Variants in SYNRG observed in about 807,000 individuals in gnomAD.
SYNRG encodes the protein AP1 gamma subunit binding protein 1.
SYNRG carries 37 observed loss-of-function variants against 130.9 expected under a neutral mutation model. That is an observed-to-expected ratio of 0.28 (90% CI 0.22 to 0.37). SYNRG has a LOEUF of 0.37. Among genes scored for constraint, SYNRG ranks in the 10% least tolerant of loss-of-function variants. The pLI, the probability that SYNRG is intolerant of heterozygous loss-of-function variation, is 1.00. For synonymous variants in SYNRG, 539 were observed against 568.1 expected, an observed-to-expected ratio of 0.95 and a Z score of 0.73; for missense variants, 1,338 against 1,588.9, an observed-to-expected ratio of 0.84 and a Z score of 2.68.
chr17:37,545,288 C>A (rs778114613), intron 14 of SYNRG, among the ~76,000 whole-genome samples: 1 of 151,670 alleles, frequency 6.6e-6, no homozygotes, highest in Non-Finnish European at 1.5e-5. Context: ...TGCAGCTACT[C>A]GGGAGGGTGA....
intron 13 of SYNRG, among the ~76,000 whole-genome samples, chr17:37,557,462 A>C (rs2059203742): frequency 6.6e-6 from 1 of 152,246 alleles, no homozygotes; most frequent in Admixed American, 6.5e-5. Flanking sequence ...TAGGAAAATA[A>C]AATCTATTCT....
intron 1 of SYNRG, among the ~76,000 whole-genome samples, chr17:37,603,983 G>A (rs549759584): frequency 3.3e-4 from 50 of 152,268 alleles, no homozygotes; most frequent in African/African-American, 1.1e-3. Context: ...GCTCATGCCT[G>A]TAATTCCAGC....
At chr17:37,563,538 A>T (rs1014939734) in intron 11 of SYNRG, among the ~76,000 whole-genome samples, 21 of 152,086 alleles carry the variant, frequency 1.4e-4, no homozygotes, top group African/African-American at 4.8e-4. Flanking sequence ...TTATTTATTT[A>T]TTTTTTTGAG....
rs541608420 is a variant in SYNRG, at chr17:37,517,157, T to G, written c.*1783A>C. 6.6e-6 allele frequency: 1 copy of G among 152,490 alleles called. No individual in the cohort carries two copies. The highest frequency in any genetic ancestry group is 2.4e-5 in the African/African-American group (1 of 41,432). The allele number at this position is 152,490 out of a possible 1,614,324, so 9.4% of individuals were successfully genotyped here. On this transcript the variant is annotated 3_prime_UTR_variant, in exon 22 of 22. Transcript: ENST00000612223. The stretch of plus-strand genomic sequence containing the variant: ...TGAACCCGGGAGGCGGAGGTTGCAC[T>G]GAGCTGAGATTGTGCCATTGCACTC...
intron 19 of SYNRG, among the ~76,000 whole-genome samples, chr17:37,524,094 C>T (rs946468131): frequency 5.3e-5 from 8 of 152,092 alleles, no homozygotes; most frequent in Admixed American, 2.6e-4. Flanking sequence ...GCAGGGGAAG[C>T]GAGGGCTCTG....
intron 19 of SYNRG, among the ~76,000 whole-genome samples, chr17:37,523,086 T>G (rs1472747275): frequency 6.6e-6 from 1 of 152,214 alleles, no homozygotes; most frequent in Non-Finnish European, 1.5e-5. Flanking sequence ...GAGTAAAATT[T>G]AAGAACTAGA....
At chr17:37,538,235 T>G in intron 18 of SYNRG, 89 bp downstream of exon 18, 331 of 958,392 alleles carry the variant, frequency 3.5e-4, no homozygotes, top group Non-Finnish European at 4.6e-4. Context: ...ATATGTAACT[T>G]GAGAGATCTA....
intron 9 of SYNRG, among the ~76,000 whole-genome samples, chr17:37,571,311 G>T (rs1428813931): frequency 2.0e-5 from 3 of 152,172 alleles, no homozygotes; most frequent in African/African-American, 7.2e-5. Context: ...GCCAGGCGTG[G>T]TGGCTCATGC....
intron 14 of SYNRG, among the ~76,000 whole-genome samples, chr17:37,550,464 A>T (rs1241050711): frequency 2.0e-5 from 3 of 152,194 alleles, no homozygotes; most frequent in Admixed American, 2.0e-4. Flanking sequence ...CTTTGGTCTA[A>T]CCCTGAAAAA....
chr17:37,605,699 A>ATATT, intron 1 of SYNRG: 1 of 396,434 alleles, frequency 2.5e-6, no homozygotes, highest in Non-Finnish European at 3.4e-6. Flanking sequence ...AGGCATTAAT[A>ATATT]AGACAGTAAA....
At chr17:37,540,627 CTTCT>C in intron 15 of SYNRG, 84 bp from the exon 16 acceptor site, 6 of 864,514 alleles carry the variant, frequency 6.9e-6, no homozygotes, top group East Asian at 3.0e-5. Flanking sequence ...CCACAACCCT[CTTCT>C]TTTTTTTTTT....
Position 37,520,593 on chromosome 17 carries a change from T to A in SYNRG, c.3722A>T (p.Asn1241Ile), listed in dbSNP as rs766916852. The part of the protein sequence containing the change: ...SSCMLRPGIK[N>I]AQELACGVCL... ...CACTCCACAGGCAAGCTCCTGAGCA[T>A]TTTTAATCCCAGGCCGTAACATACA... is the stretch of plus-strand genomic sequence containing the variant. The change falls in exon 20 of 22, where the codon AAT becomes ATT. Residue 1241 changes from asparagine to isoleucine, a missense_variant. Transcript: ENST00000612223. 6 of 1,614,176 alleles carry A rather than the reference T, an allele frequency of 3.7e-6. No individual in the cohort carries two copies. Among genetic ancestry groups the A allele is most frequent in the Non-Finnish European group, 5.1e-6 (6 of 1,180,032 alleles).
At position 37,538,342 on chromosome 17, in the gene SYNRG, C is replaced by T; in HGVS notation, c.3499G>A (p.Gly1167Ser). The stretch of plus-strand genomic sequence containing the variant: ...AACATACCTAATAAATATTCCATGC[C>T]TTGAGCTGACTGAATTACTTCTGTG... ...VCTEVIQSAQ[G>S]MEYLLGVVEV... Residue 1167 changes from glycine (G) to serine (S), a missense_variant, in exon 18 of 22, where the codon GGC (glycine) becomes AGC (serine). Coordinates refer to ENST00000612223, the MANE Select transcript of SYNRG (RefSeq NM_007247.6). The T allele has an allele frequency of 1.2e-6, 2 of 1,608,376 alleles. No individual in the cohort carries two copies. The highest frequency in any genetic ancestry group is 1.7e-6 in the Non-Finnish European group (2 of 1,178,230).
At chr17:37,590,014 T>C (rs1446265324) in intron 3 of SYNRG, among the ~76,000 whole-genome samples, 1 of 151,258 alleles carries the variant, frequency 6.6e-6, no homozygotes, top group African/African-American at 2.4e-5. Flanking sequence ...CTACTAAAAA[T>C]ACAAAAATTA....
intron 2 of SYNRG, among the ~76,000 whole-genome samples, chr17:37,598,949 A>G (rs1460764969): frequency 6.6e-6 from 1 of 152,248 alleles, no homozygotes; most frequent in Non-Finnish European, 1.5e-5. Context: ...AGATAGCTTA[A>G]ATAATGCATA....
At chr17:37,578,606 A>T (rs953133426) in intron 6 of SYNRG, among the ~76,000 whole-genome samples, 7 of 152,182 alleles carry the variant, frequency 4.6e-5, no homozygotes, top group African/African-American at 1.7e-4. Context: ...ATCAAATGAG[A>T]CAGTCTGGAC....
At chr17:37,591,087 C>G (rs1863727555) in intron 3 of SYNRG, among the ~76,000 whole-genome samples, 1 of 151,956 alleles carries the variant, frequency 6.6e-6, no homozygotes, top group Admixed American at 6.6e-5. Flanking sequence ...CCCATGGAAT[C>G]CACAAAAAAA....
In SYNRG at chr17:37,528,265, T is replaced by G. The variant is rs1435417511; in HGVS notation, c.3667-7617A>C. On this transcript the variant is annotated intron_variant, in intron 19 of 21. Coordinates refer to ENST00000612223, the MANE Select transcript of SYNRG (RefSeq NM_007247.6). ...TATCTCAAAGCCAGCAGGTAGCATC[T>G]GCCACTCTCTTCTTCTGTCTACTTC... Among the ~76,000 whole-genome samples, 5 of 152,194 alleles carry G rather than the reference T, an allele frequency of 3.3e-5. No individual in the cohort carries two copies. In the East Asian group the frequency reaches 9.6e-4, roughly 29 times the overall value.
chr17:37,591,533 G>A (rs2062190237), intron 3 of SYNRG, among the ~76,000 whole-genome samples: 1 of 152,188 alleles, frequency 6.6e-6, no homozygotes, highest in Admixed American at 6.5e-5. Context: ...GAAGAAGAAT[G>A]TAGGAGGAAT....
Sources: allele counts gnomAD v4.1 joint callset (sites outside exome capture counted in the v4.1 genomes callset), GRCh38; gene constraint gnomAD v4.1.1; transcripts MANE v1.5; gene names NCBI Gene and HGNC (gene_info 2026-07-23, HGNC 2026-07-21).